The following ADCY2 variants were observed in gnomAD, a reference collection of about 807,000 sequenced individuals.
ADCY2 encodes the protein adenylate cyclase type 2.
A neutral mutation model predicts 125.2 loss-of-function variants in ADCY2; 31 were observed. That is an observed-to-expected ratio of 0.25 (90% CI 0.19 to 0.33). The LOEUF is 0.33. Ranked by LOEUF, ADCY2 falls within the 10% of genes least tolerant of loss-of-function variation. The pLI, the probability that ADCY2 is intolerant of heterozygous loss-of-function variation, is 1.00. For missense variants in ADCY2, 904 were observed against 1,418.2 expected (o/e 0.64, Z 5.82); for synonymous variants, 512 against 548.4 (o/e 0.93, Z 0.93).
chr5:7,772,989 A>G lies in ADCY2; in HGVS notation c.2272A>G (p.Asn758Asp). 1 of 1,614,122 alleles carries G rather than the reference A, an allele frequency of 6.2e-7. No homozygotes were observed. The highest frequency in any genetic ancestry group is 8.5e-7 in the Non-Finnish European group (1 of 1,180,018). ...LISCSVFLRV[N>D]YELKMLIMMV... ...ATCCTGTTCCGTGTTCCTGCGGGTA[A>G]ACTATGAGCTGAAGATGTTGATCAT... The change falls in exon 18 of 25, where the codon AAC becomes GAC. Residue 758 changes from asparagine (N) to aspartate (D), a missense_variant. Around this residue, in one of 7 missense-constraint regions of ADCY2, gnomAD observed 221 missense variants for 246.2 expected, o/e 0.90. Transcript: ENST00000338316.
intron 12 of ADCY2, among the ~76,000 whole-genome samples, chr5:7,722,436 T>G (rs1284383366): frequency 6.6e-6 from 1 of 152,210 alleles, no homozygotes. Flanking sequence ...GTTACCTGCA[T>G]ATATTATTCA....
At chr5:7,620,897 A>G (rs1020246248) in intron 3 of ADCY2, among the ~76,000 whole-genome samples, 1 of 91,806 alleles carries the variant, frequency 1.1e-5, no homozygotes, top group African/African-American at 4.8e-5. Context: ...TAGTTCATAG[A>G]AAAAAAAAAA....
chr5:7,459,184 C>A (rs1741819508), intron 2 of ADCY2, among the ~76,000 whole-genome samples: 1 of 152,180 alleles, frequency 6.6e-6, no homozygotes. Context: ...GCCAATTCTG[C>A]AAGCAAATTT....
At chr5:7,653,540 G>A (rs1232391762) in intron 4 of ADCY2, among the ~76,000 whole-genome samples, 47 of 151,950 alleles carry the variant, frequency 3.1e-4, no homozygotes. Flanking sequence ...CCCGGGAGGT[G>A]GAGCTTGTAG....
rs77549274 is a variant in ADCY2, at chr5:7,441,368, C to T, written c.408+26598C>T. On this transcript the variant is annotated intron_variant, in intron 2 of 24. Coordinates refer to ENST00000338316, the MANE Select transcript of ADCY2 (RefSeq NM_020546.3). The stretch of plus-strand genomic sequence containing the variant: ...TTAATGCCTTCGAGTGAAGATGCTT[C>T]GCTGAGTGATACTGCATGTCATATT... Among the ~76,000 whole-genome samples the T allele has an allele frequency of 3.6e-3, 547 of 152,064 alleles. 1 individual carries two copies. The highest frequency in any genetic ancestry group is 0.02 in the Middle Eastern group (6 of 294).
chr5:7,743,399 T>C (rs898449919), intron 14 of ADCY2, among the ~76,000 whole-genome samples: 4 of 151,422 alleles, frequency 2.6e-5, no homozygotes, highest in South Asian at 4.2e-4. Flanking sequence ...GGGCGAGTCA[T>C]TTAAAAAGAT....
intron 6 of ADCY2, among the ~76,000 whole-genome samples, chr5:7,697,933 A>C (rs1191643219): frequency 1.3e-5 from 2 of 152,184 alleles, no homozygotes. Context: ...TAATGTTTGG[A>C]GCTGCTCAGA....
intron 2 of ADCY2, among the ~76,000 whole-genome samples, chr5:7,471,075 G>C (rs1274830114): frequency 6.6e-6 from 1 of 151,604 alleles, no homozygotes; most frequent in Non-Finnish European, 1.5e-5. Context: ...ACAAAATATA[G>C]CCACTCTAGT....
intron 3 of ADCY2, among the ~76,000 whole-genome samples, chr5:7,527,378 C>CA (rs1200461486): frequency 6.6e-6 from 1 of 152,212 alleles, no homozygotes; most frequent in East Asian, 1.9e-4. Context: ...AATAATGAGC[C>CA]AACCTCAAGG....
rs377141532 is a variant in ADCY2 at position 7,688,268 on chromosome 5, T to G, written c.721-2423T>G. ...TGACCAGAGAGATCTCCTGATTTTT[T>G]TTGTTGTTTTTTTTTTTGAGACAGA... On this transcript the variant is annotated intron_variant, in intron 4 of 24. Transcript: ENST00000338316. 2.6e-4 allele frequency among the ~76,000 whole-genome samples: 23 copies of G among 87,034 alleles called. No individual in the cohort carries two copies. The East Asian group carries it at 2.8e-3, about 11-fold the overall frequency. The allele number at this position is 87,034 out of a possible 152,430, so 57.1% of individuals were successfully genotyped here. A position where few individuals can be genotyped will look rare whatever the true frequency, so the allele number is the denominator to read the frequency against.
At chr5:7,701,473 A>G (rs549176987) in intron 7 of ADCY2, among the ~76,000 whole-genome samples, 60 of 152,286 alleles carry the variant, frequency 3.9e-4, no homozygotes, top group African/African-American at 1.4e-3. Context: ...CCTAAATGTT[A>G]CCCTTTGAAT....
At chr5:7,603,754 A>G (rs934460129) in intron 3 of ADCY2, among the ~76,000 whole-genome samples, 1 of 105,356 alleles carries the variant, frequency 9.5e-6, no homozygotes, top group Admixed American at 9.6e-5. Flanking sequence ...GCTTTCAAGC[A>G]GGAGAAAATT....
intron 3 of ADCY2, among the ~76,000 whole-genome samples, chr5:7,547,833 G>T (rs1460945408): frequency 6.6e-6 from 1 of 152,192 alleles, no homozygotes; most frequent in Non-Finnish European, 1.5e-5. Flanking sequence ...CTTGCGGAGG[G>T]ACTATGCAAG....
chr5:7,484,322 C>T (rs1742845628), intron 2 of ADCY2, among the ~76,000 whole-genome samples: 1 of 152,108 alleles, frequency 6.6e-6, no homozygotes, highest in Admixed American at 6.6e-5. Flanking sequence ...GAAAAATAAT[C>T]CAATTTGCAG....
intron 3 of ADCY2, among the ~76,000 whole-genome samples, chr5:7,613,019 G>A (rs1296221178): frequency 2.0e-5 from 3 of 152,060 alleles, no homozygotes; most frequent in South Asian, 2.1e-4. Context: ...GCGACAGAGT[G>A]AGACTCTGAC....
At chr5:7,587,882 T>A in intron 3 of ADCY2, among the ~76,000 whole-genome samples, 1 of 152,172 alleles carries the variant, frequency 6.6e-6, no homozygotes, top group Non-Finnish European at 1.5e-5. Context: ...ACTGCTGATG[T>A]CTCTTCTTCT....
At position 7,713,644 on chromosome 5, in the gene ADCY2, G is replaced by A. The variant is rs750523667; in HGVS notation, c.1622+745G>A. Among the ~76,000 whole-genome samples the A allele has an allele frequency of 5.2e-4, 79 of 152,124 alleles. 1 individual carries two copies. Among genetic ancestry groups the A allele is most frequent in the African/African-American group, 1.6e-3 (67 of 41,482 alleles). On this transcript the variant is annotated intron_variant, in intron 11 of 24. Coordinates refer to ENST00000338316, the MANE Select transcript of ADCY2 (RefSeq NM_020546.3). ...AAGTTTCCCACAAATGTCTCCACAC[G>A]CCCTGTCGCAGCCACCGTAAAATCC...
At chr5:7,794,204 C>T (rs951230803) in intron 20 of ADCY2, 3 of 152,208 alleles carry the variant, frequency 2.0e-5, no homozygotes, top group Non-Finnish European at 4.4e-5. Flanking sequence ...GTTCTCTGTA[C>T]TTAATCACAC....
intron 2 of ADCY2, among the ~76,000 whole-genome samples, chr5:7,478,977 A>C (rs570918351): frequency 6.6e-6 from 1 of 152,236 alleles, no homozygotes; most frequent in South Asian, 2.1e-4. Flanking sequence ...TATAGAATTA[A>C]ATATTTATCT....
Sources: allele counts gnomAD v4.1 joint callset (sites outside exome capture counted in the v4.1 genomes callset), GRCh38; gene constraint gnomAD v4.1.1; regional missense constraint gnomAD v4.1.1; transcripts MANE v1.5; gene names NCBI Gene and HGNC (gene_info 2026-07-23, HGNC 2026-07-21).